VPS13B: variants seen among roughly 807,000 people sequenced by gnomAD.
VPS13B encodes the protein vacuolar protein sorting 13 homolog B, also known as intermembrane lipid transfer protein VPS13B.
In VPS13B, 285 loss-of-function variants were observed where a neutral mutation model predicts 426.4. The observed-to-expected ratio is 0.67, with a 90% CI of 0.61 to 0.74. The LOEUF (loss-of-function observed/expected upper bound fraction) is 0.74, where lower values mean the gene tolerates loss of function less well. VPS13B is among the 30% of genes least tolerant of loss of function. VPS13B has a pLI of 0.00. For synonymous variants in VPS13B, 1,676 were observed against 1,676.4 expected, an observed-to-expected ratio of 1.00 and a Z score of 0.01; for missense variants, 4,537 against 4,782.6, an observed-to-expected ratio of 0.95 and a Z score of 1.51.
intron 21 of VPS13B, among the ~76,000 whole-genome samples, chr8:99,409,180 A>G (rs942600207): frequency 6.6e-6 from 1 of 152,138 alleles, no homozygotes; most frequent in South Asian, 2.1e-4. Flanking sequence ...ATGACATATC[A>G]TGAGTTCTAG....
At chr8:99,236,179 G>A (rs926760119) in intron 17 of VPS13B, among the ~76,000 whole-genome samples, 24 of 151,946 alleles carry the variant, frequency 1.6e-4, no homozygotes, top group African/African-American at 5.8e-4. Flanking sequence ...CATTATCTAA[G>A]GTCTGGAAAA....
At chr8:99,069,167 T>C (rs1482317365) in intron 3 of VPS13B, among the ~76,000 whole-genome samples, 3 of 152,188 alleles carry the variant, frequency 2.0e-5, no homozygotes, top group African/African-American at 7.2e-5. Flanking sequence ...GTATGGTGGC[T>C]CACTCCTGTA....
At chr8:99,623,728 A>G (rs1828468353) in intron 33 of VPS13B, among the ~76,000 whole-genome samples, 1 of 152,172 alleles carries the variant, frequency 6.6e-6, no homozygotes, top group Admixed American at 6.5e-5. Context: ...TGGAAAGGGT[A>G]TATTCAATCA....
chr8:99,744,789 G>A (rs1809983222), intron 39 of VPS13B, among the ~76,000 whole-genome samples: 1 of 150,082 alleles, frequency 6.7e-6, no homozygotes, highest in Non-Finnish European at 1.5e-5. Context: ...ATGGACACAG[G>A]AAGGGGAACA....
chr8:99,428,267 A>G (rs1373344637), intron 21 of VPS13B, among the ~76,000 whole-genome samples: 1 of 152,242 alleles, frequency 6.6e-6, no homozygotes, highest in African/African-American at 2.4e-5. Flanking sequence ...CAATGGCAAC[A>G]GAAGCCAAAA....
chr8:99,539,864 C>T (rs1823463961), intron 30 of VPS13B, among the ~76,000 whole-genome samples: 1 of 146,586 alleles, frequency 6.8e-6, no homozygotes, highest in African/African-American at 2.5e-5. Context: ...CTTTTTTGTA[C>T]CATAAAACAG....
chr8:99,862,763 G>A (rs958579079), intron 58 of VPS13B, among the ~76,000 whole-genome samples: 2 of 152,224 alleles, frequency 1.3e-5, no homozygotes, highest in Admixed American at 1.3e-4. Context: ...CTGATCTTCA[G>A]TTCTCTACAG....
chr8:99,547,878 T>C (rs1036564727), intron 30 of VPS13B, among the ~76,000 whole-genome samples: 5 of 152,078 alleles, frequency 3.3e-5, no homozygotes, highest in African/African-American at 7.2e-5. Context: ...TTTGAATTGC[T>C]ACAAGGTTTT....
intron 41 of VPS13B, among the ~76,000 whole-genome samples, chr8:99,778,266 T>C (rs1259865260): frequency 6.6e-6 from 1 of 151,638 alleles, no homozygotes; most frequent in Non-Finnish European, 1.5e-5. Context: ...TTGTTAAGCA[T>C]CTTGCCTTTT....
At chr8:99,446,822 C>T (rs528418297) in intron 23 of VPS13B, among the ~76,000 whole-genome samples, 2 of 152,270 alleles carry the variant, frequency 1.3e-5, no homozygotes, top group South Asian at 4.1e-4. Context: ...AGAATATTCC[C>T]AGTACTCAGA....
chr8:99,447,619 C>G (rs1817985683), intron 23 of VPS13B, among the ~76,000 whole-genome samples: 1 of 152,102 alleles, frequency 6.6e-6, no homozygotes, highest in Admixed American at 6.6e-5. Context: ...CCCTCAGCCC[C>G]TGGCTTTAAT....
At chr8:99,478,093 A>G (rs536824131) in intron 24 of VPS13B, among the ~76,000 whole-genome samples, 1 of 151,920 alleles carries the variant, frequency 6.6e-6, no homozygotes, top group Non-Finnish European at 1.5e-5. Context: ...ATTTAAAAAA[A>G]AAAAAGAAAA....
At chr8:99,426,662 A>G (rs1169341643) in intron 21 of VPS13B, among the ~76,000 whole-genome samples, 33 of 39,830 alleles carry the variant, frequency 8.3e-4, no homozygotes, top group Non-Finnish European at 1.2e-3. Flanking sequence ...TCTGATGGCC[A>G]GTGATGATGA....
intron 39 of VPS13B, among the ~76,000 whole-genome samples, chr8:99,734,845 G>A (rs971205160): frequency 6.6e-6 from 1 of 152,166 alleles, no homozygotes; most frequent in Non-Finnish European, 1.5e-5. Flanking sequence ...ATGCCCGGAT[G>A]TGTATGGTAA....
Position 99,566,978 on chromosome 8 carries a change from C to T in VPS13B, c.4950-8680C>T, listed in dbSNP as rs12155698. ...TGTTGTGATCATAGTTCACTGTAAC[C>T]TCCAACTCCTGGGCTCTAACGATCC... On this transcript the variant is annotated intron_variant, in intron 31 of 61. Transcript: ENST00000357162. Among the ~76,000 whole-genome samples, 821 of 152,218 alleles carry T rather than the reference C, an allele frequency of 5.4e-3. 3 individuals are homozygous for T. Among genetic ancestry groups the T allele is most frequent in the Middle Eastern group, 0.014 (4 of 294 alleles).
At chr8:99,611,536 G>A (rs138285209) in intron 33 of VPS13B, among the ~76,000 whole-genome samples, 7 of 151,394 alleles carry the variant, frequency 4.6e-5, no homozygotes, top group East Asian at 1.9e-4. Flanking sequence ...TGTTCTTACC[G>A]GGAACAAATA....
intron 2 of VPS13B, among the ~76,000 whole-genome samples, chr8:99,031,404 C>T (rs1010729840): frequency 3.9e-5 from 6 of 152,062 alleles, no homozygotes; most frequent in Admixed American, 3.9e-4. Context: ...GTTTGTCTTC[C>T]TTGGGGTATG....
At chr8:99,167,771 TGTGTAAGTTCTCTTATTCAACTTTACA>T (rs1812096740) in intron 15 of VPS13B, among the ~76,000 whole-genome samples, 1 of 152,156 alleles carries the variant, frequency 6.6e-6, no homozygotes, top group Admixed American at 6.5e-5. Flanking sequence ...TTTAATGAGA[TGTGTAAGTTCTCTTATTCAACTTTACA>T]GTTTCCTTTA....
chr8:99,324,200 G>A (rs527558272), intron 19 of VPS13B, among the ~76,000 whole-genome samples: 7 of 152,288 alleles, frequency 4.6e-5, no homozygotes, highest in African/African-American at 1.4e-4. Context: ...ATGAACATGG[G>A]AAAGTAATTA....
Sources: gnomAD v4.1 joint callset for allele counts (sites outside exome capture counted in the v4.1 genomes callset) on GRCh38, gnomAD v4.1.1 for gene constraint, MANE v1.5 for transcripts, NCBI Gene and HGNC (gene_info 2026-07-23, HGNC 2026-07-21) for gene names.